The following ADAMTS20 variants were observed in gnomAD, a reference collection of about 807,000 sequenced individuals.
The protein encoded by ADAMTS20 is ADAM metallopeptidase with thrombospondin type 1 motif 20, also known as A disintegrin and metalloproteinase with thrombospondin motifs 20.
ADAMTS20 carries 225 observed loss-of-function variants against 260.1 expected under a neutral mutation model. The observed-to-expected ratio is 0.87, with a 90% CI of 0.78 to 0.97. The LOEUF (loss-of-function observed/expected upper bound fraction) is 0.97, where lower values mean the gene tolerates loss of function less well. Ranked by LOEUF, ADAMTS20 falls within the 50% of genes least tolerant of loss-of-function variation. ADAMTS20 has a pLI of 0.00. For missense variants in ADAMTS20, 2,400 were observed against 2,337.7 expected (o/e 1.03, Z -0.55); for synonymous variants, 802 against 769.5 (o/e 1.04, Z -0.70).
intron 16 of ADAMTS20, among the ~76,000 whole-genome samples, chr12:43,441,081 A>C (rs1941657701): frequency 6.6e-6 from 1 of 151,290 alleles, no homozygotes; most frequent in Non-Finnish European, 1.5e-5. Context: ...AAAAAAACAA[A>C]AAAAAAACTC....
At position 43,466,652 on chromosome 12, in the gene ADAMTS20, T is replaced by C; in HGVS notation, c.1367A>G (p.Asp456Gly). Residue 456 changes from aspartate (D) to glycine (G), a missense_variant and splice_region_variant, in exon 9 of 39, where the codon GAT becomes GGT. By Grantham distance (94) the Asp-to-Gly change is moderately conservative. Coordinates refer to ENST00000389420, the MANE Select transcript of ADAMTS20 (RefSeq NM_025003.5). Reference sequence around the variant, plus strand: ...AATTATTTAACATAAATTTACTTACTCTAGGAATTCAGTAACATATTTCCG... The same window carrying C: ...AATTATTTAACATAAATTTACTTACCCTAGGAATTCAGTAACATATTTCCG... ...CSRKYVTEFL[D>G]TGYGECLLDK... is the part of the protein sequence containing the mutation. 1.2e-6 allele frequency: 2 copies of C among 1,604,938 alleles called. No homozygotes were observed. The highest frequency in any genetic ancestry group is 1.7e-6 in the Non-Finnish European group (2 of 1,176,706).
At chr12:43,424,379 T>C (rs1265597200) in intron 28 of ADAMTS20, among the ~76,000 whole-genome samples, 1 of 151,976 alleles carries the variant, frequency 6.6e-6, no homozygotes, top group East Asian at 1.9e-4. Context: ...ACCCAGAAAA[T>C]TAAAATATTC....
chr12:43,423,882 A>G (rs1941281480), intron 28 of ADAMTS20: 4 of 728,856 alleles, frequency 5.5e-6, no homozygotes, highest in Non-Finnish European at 1.0e-5. Flanking sequence ...AGTTCCCACA[A>G]GATGATGGTC....
Position 43,432,295 on chromosome 12 carries a change from T to C in ADAMTS20, c.3096+9A>G, listed in dbSNP as rs1203705725. On this transcript the variant is annotated intron_variant, in intron 21 of 38. Transcript: ENST00000389420. ...TTTAATAGTTCCAAGCATCATGTGT[T>C]TAATGTACCTCGCTCCATTCACTAG... 1.2e-6 allele frequency: 2 copies of C among 1,612,018 alleles called. No homozygotes were observed. Among genetic ancestry groups the C allele is most frequent in the Admixed American group, 3.3e-5 (2 of 59,718 alleles).
intron 4 of ADAMTS20, 84 bp from the exon 5 acceptor site, chr12:43,493,337 A>G (rs1246756832): frequency 2.6e-5 from 25 of 951,964 alleles, no homozygotes; most frequent in Non-Finnish European, 6.3e-6. Context: ...CAGAGTATCA[A>G]TTCTCTAATT....
chr12:43,489,908 T>C (rs1942576547), intron 7 of ADAMTS20, among the ~76,000 whole-genome samples: 1 of 152,146 alleles, frequency 6.6e-6, no homozygotes, highest in African/African-American at 2.4e-5. Context: ...GGAACACATA[T>C]ATATGTAATA....
intron 11 of ADAMTS20, among the ~76,000 whole-genome samples, chr12:43,462,674 T>C (rs1180711325): frequency 6.6e-6 from 1 of 152,200 alleles, no homozygotes; most frequent in Non-Finnish European, 1.5e-5. Flanking sequence ...ATATGCTAAC[T>C]ATACAAAACT....
At position 43,501,471 on chromosome 12, in the gene ADAMTS20, G is replaced by GCACACA. The variant is rs1341840205; in HGVS notation, c.867+680_867+681insTGTGTG. Reference sequence around the variant, plus strand: ...GTGGTGGAGGGGGATACGCGCGCGCGCGCGCGCGCGCACACACACACACAC... The same window carrying GCACACA: ...GTGGTGGAGGGGGATACGCGCGCGCGCACACACGCGCGCGCGCACACACACACACAC... On this transcript the variant is annotated intron_variant, in intron 4 of 38. Coordinates refer to ENST00000389420, the MANE Select transcript of ADAMTS20 (RefSeq NM_025003.5). 3.8e-3 allele frequency among the ~76,000 whole-genome samples: 177 copies of GCACACA among 46,770 alleles called. 2 individuals carry two copies. Among genetic ancestry groups the GCACACA allele is most frequent in the African/African-American group, 5.7e-3 (52 of 9,058 alleles). The allele number at this position is 46,770 out of a possible 152,430, so 30.7% of individuals were successfully genotyped here.
At chr12:43,528,370 A>AC (rs1943174339) in intron 3 of ADAMTS20, among the ~76,000 whole-genome samples, 1 of 149,136 alleles carries the variant, frequency 6.7e-6, no homozygotes, top group South Asian at 2.1e-4. Flanking sequence ...AAAAAAAAAA[A>AC]AAAACACAAA....
At chr12:43,387,329 A>C (rs1940501262) in intron 29 of ADAMTS20, among the ~76,000 whole-genome samples, 1 of 152,200 alleles carries the variant, frequency 6.6e-6, no homozygotes, top group Non-Finnish European at 1.5e-5. Flanking sequence ...GCTGCAGAAC[A>C]GCAAAGATTG....
At chr12:43,550,877 A>G (rs997940666) in intron 2 of ADAMTS20, 32 bp downstream of exon 2, 1 of 1,498,174 alleles carries the variant, frequency 6.7e-7, no homozygotes, top group Admixed American at 2.3e-5. Flanking sequence ...CCTGGATCCC[A>G]AGAAAATGCC....
At position 43,375,441 on chromosome 12, in the gene ADAMTS20, A is replaced by G. The variant is rs139515528; in HGVS notation, c.5384T>C (p.Leu1795Ser). 8.7e-6 allele frequency: 14 copies of G among 1,613,622 alleles called. No individual in the cohort carries two copies. The African/African-American group carries it at 1.3e-4, about 15-fold the overall frequency. Residue 1795 changes from leucine (L) to serine (S), a missense_variant, in exon 36 of 39, where the codon TTA (leucine) becomes TCA (serine). Physicochemically the swap from Leu to Ser is moderately radical, Grantham distance 145. Transcript: ENST00000389420. ...REDCECDNGH[L>S]AAGYTVFSKI... Reference sequence around the variant, plus strand: ...GCTGAAAACAGTGTATCCAGCAGCTAAGTGTCCATTGTCACATTCACAGTC... The same window carrying G: ...GCTGAAAACAGTGTATCCAGCAGCTGAGTGTCCATTGTCACATTCACAGTC...
Position 43,429,718 on chromosome 12 carries a change from C to T in ADAMTS20, c.3388G>A (p.Val1130Ile). The T allele has an allele frequency of 6.4e-7, 1 of 1,573,746 alleles. No individual in the cohort carries two copies. Among genetic ancestry groups the T allele is most frequent in the Non-Finnish European group, 8.6e-7 (1 of 1,157,656 alleles). ...GAAATAAATGAGCAAGGTGTAAGTA[C>T]ACAGCTCTGTTCAGAAGAAAAATGG... The part of the protein sequence containing the change: ...ASRPSDRQSC[V>I]LTPCSFISKL... Residue 1130 changes from valine to isoleucine, a missense_variant, in exon 24 of 39, where the codon GTA becomes ATA. Val to Ile is a conservative substitution (Grantham distance 29, BLOSUM62 3). Transcript: ENST00000389420.
chr12:43,490,316 T>C, intron 7 of ADAMTS20, 79 bp downstream of exon 7: 1 of 734,910 alleles, frequency 1.4e-6, no homozygotes, highest in Non-Finnish European at 2.1e-6. Flanking sequence ...GTAAAATAAA[T>C]GGAAAATAGC....
chr12:43,551,817 CGCGGTGACTTTACCTT>C lies in ADAMTS20; in HGVS notation c.89_91+13del. The C allele has an allele frequency of 6.2e-7, 1 of 1,612,868 alleles. No homozygotes were observed. Among genetic ancestry groups the C allele is most frequent in the Admixed American group, 1.7e-5 (1 of 60,002 alleles). On this transcript the variant is annotated splice_donor_variant and splice_donor_5th_base_variant and coding_sequence_variant and intron_variant, in exon 1 of 39. Coordinates refer to ENST00000389420, the MANE Select transcript of ADAMTS20 (RefSeq NM_025003.5). LOFTEE classifies it high-confidence loss of function. This position sits in a 1 kb window ranked among gnomAD's most constrained non-coding sequence, Gnocchi z 4.6. ...CCCCACTTAGCCGCTGAAGGCGTCTCGCGGTGACTTTACCTTGCCTGGGGTGGAAGTCAACTTCCCA... is the reference window on the plus strand; with the variant it reads ...CCCCACTTAGCCGCTGAAGGCGTCTCGCCTGGGGTGGAAGTCAACTTCCCA...
chr12:43,474,566 T>A (rs1592088123), intron 7 of ADAMTS20, among the ~76,000 whole-genome samples: 1 of 99,576 alleles, frequency 1.0e-5, no homozygotes, highest in East Asian at 3.1e-4. Context: ...ATATCCTTGA[T>A]GAACATTGAT....
At position 43,551,053 on chromosome 12, in the gene ADAMTS20, G is replaced by C; in HGVS notation, c.309C>G (p.Gly103=). 6.2e-7 allele frequency: 1 copy of C among 1,613,928 alleles called. No individual in the cohort carries two copies. ...LTADASFLAA[G]YTEVHLGTPE... Reference sequence around the variant, plus strand: ...GGGTTCCCAAGTGCACCTCGGTGTAGCCGGCGGCCAGAAAGGATGCATCGG... The same window carrying C: ...GGGTTCCCAAGTGCACCTCGGTGTACCCGGCGGCCAGAAAGGATGCATCGG... The change falls in exon 2 of 39, where the codon GGC becomes GGG. Residue 103 remains glycine (G), a synonymous_variant. Coordinates refer to ENST00000389420, the MANE Select transcript of ADAMTS20 (RefSeq NM_025003.5). The surrounding 1 kb of genome is among the most constrained non-coding windows in gnomAD (Gnocchi z 4.6).
At position 43,469,735 on chromosome 12, in the gene ADAMTS20, C is replaced by A. The variant is rs11182089; in HGVS notation, c.1118-1030G>T. 8.2e-3 allele frequency among the ~76,000 whole-genome samples: 1,254 copies of A among 152,220 alleles called. 20 individuals are homozygous for A. Among genetic ancestry groups the A allele is most frequent in the African/African-American group, 0.028 (1,176 of 41,558 alleles). On this transcript the variant is annotated intron_variant, in intron 7 of 38. Coordinates refer to ENST00000389420, the MANE Select transcript of ADAMTS20 (RefSeq NM_025003.5). ...TAGCTCCTAGTTTAGCTCTTCCCTG[C>A]TATGTCATCTTTTATTCTTAGGAGT...
chr12:43,388,763 A>G (rs1940536771), intron 29 of ADAMTS20, among the ~76,000 whole-genome samples: 1 of 152,206 alleles, frequency 6.6e-6, no homozygotes, highest in African/African-American at 2.4e-5. Context: ...TCAGGCTGCT[A>G]TAACAAAATA....
Sources: allele counts gnomAD v4.1 joint callset (sites outside exome capture counted in the v4.1 genomes callset), GRCh38; gene constraint gnomAD v4.1.1; non-coding constraint Gnocchi (gnomAD v3.1); transcripts MANE v1.5; gene names NCBI Gene and HGNC (gene_info 2026-07-23, HGNC 2026-07-21).